Variants in CDH4 observed in about 807,000 individuals in gnomAD.
CDH4 encodes the protein cadherin 4.
CDH4 carries 33 observed loss-of-function variants against 86.0 expected under a neutral mutation model. The ratio of observed to expected loss-of-function variants is 0.38; its 90% CI spans 0.29 to 0.51. The LOEUF (loss-of-function observed/expected upper bound fraction) is 0.51, where lower values mean the gene tolerates loss of function less well. Ranked by LOEUF, CDH4 falls within the 20% of genes least tolerant of loss-of-function variation. The probability of loss-of-function intolerance (pLI) is 0.86; values close to 1 mark genes in which losing one functional copy is unlikely to be tolerated. For missense variants in CDH4, 1,114 were observed against 1,307.4 expected, an observed-to-expected ratio of 0.85 and a Z score of 2.28; for synonymous variants, 555 against 549.4, an observed-to-expected ratio of 1.01 and a Z score of -0.14.
intron 2 of CDH4, among the ~76,000 whole-genome samples, chr20:61,520,695 A>G (rs1600726650): frequency 6.6e-6 from 1 of 151,730 alleles, no homozygotes; most frequent in East Asian, 1.9e-4. Context: ...TCTTCTGAGC[A>G]TCGGGAGGGA....
chr20:61,649,858 A>G (rs2087103539), intron 2 of CDH4, among the ~76,000 whole-genome samples: 2 of 152,220 alleles, frequency 1.3e-5, no homozygotes, highest in African/African-American at 4.8e-5. Context: ...AGGAAGACTG[A>G]GGCAGGACCT....
chr20:61,319,351 T>G (rs770046868), intron 2 of CDH4, among the ~76,000 whole-genome samples: 1 of 152,102 alleles, frequency 6.6e-6, no homozygotes, highest in Non-Finnish European at 1.5e-5. Flanking sequence ...CGATTAAAAA[T>G]TCCCTGTTAT....
chr20:61,738,163 C>T (rs1451078288), intron 2 of CDH4: 2 of 152,278 alleles, frequency 1.3e-5, no homozygotes, highest in African/African-American at 4.8e-5. Context: ...TCTGCAGCAA[C>T]CACCGCCAGG....
chr20:61,421,715 C>T (rs1467466047), intron 2 of CDH4, among the ~76,000 whole-genome samples: 3 of 152,228 alleles, frequency 2.0e-5, no homozygotes, highest in Non-Finnish European at 4.4e-5. Context: ...GTCTTCTCCC[C>T]CTGCCGGGGT....
At chr20:61,394,476 T>C (rs6089247) in intron 2 of CDH4, among the ~76,000 whole-genome samples, 41,844 of 152,030 alleles carry the variant, frequency 0.28, 6,688 homozygotes, top group East Asian at 0.48. Flanking sequence ...GTTTCCACTT[T>C]GATAGAGACA....
At chr20:61,456,589 ACT>A (rs947479163) in intron 2 of CDH4, among the ~76,000 whole-genome samples, 4 of 152,072 alleles carry the variant, frequency 2.6e-5, no homozygotes, top group South Asian at 2.1e-4. Context: ...GGGTCGGGAA[ACT>A]CTGCTGAAGG....
Position 61,902,991 on chromosome 20 carries a change from C to A in CDH4, c.1189-7431C>A, listed in dbSNP as rs189509124. 4.8e-4 allele frequency among the ~76,000 whole-genome samples: 67 copies of A among 140,766 alleles called. 1 individual carries two copies. The highest frequency in any genetic ancestry group is 1.7e-3 in the African/African-American group (60 of 36,116). 92.3% of individuals were successfully genotyped at this position (140,766 alleles called of 152,430 possible). On this transcript the variant is annotated intron_variant, in intron 8 of 15. Transcript: ENST00000614565. The surrounding 1 kb of genome is among the most constrained non-coding windows in gnomAD (Gnocchi z 4.6). ...GTGTGATCATGCCACTAAACTCCAGCCTGGGCAACAGAGCAAGACTGTCTC... is the reference window on the plus strand; with the variant it reads ...GTGTGATCATGCCACTAAACTCCAGACTGGGCAACAGAGCAAGACTGTCTC...
intron 3 of CDH4, among the ~76,000 whole-genome samples, chr20:61,749,751 T>C (rs965253589): frequency 1.3e-5 from 2 of 152,176 alleles, no homozygotes; most frequent in Admixed American, 6.5e-5. Flanking sequence ...TAAATGCATA[T>C]ATTACAAGAT....
chr20:61,839,275 C>G (rs149799253), intron 4 of CDH4, among the ~76,000 whole-genome samples: 2 of 152,116 alleles, frequency 1.3e-5, no homozygotes, highest in East Asian at 3.9e-4. Context: ...GATATCCCGC[C>G]GGGTGTGCAT....
At chr20:61,454,509 G>C (rs1445049412) in intron 2 of CDH4, among the ~76,000 whole-genome samples, 2 of 152,044 alleles carry the variant, frequency 1.3e-5, no homozygotes, top group South Asian at 2.1e-4. Context: ...GCAGTGGCGC[G>C]ATCTCGGCTC....
intron 2 of CDH4, among the ~76,000 whole-genome samples, chr20:61,350,582 G>A (rs1026826936): frequency 1.3e-5 from 2 of 149,168 alleles, no homozygotes; most frequent in African/African-American, 5.0e-5. Context: ...CCACAGTGCT[G>A]CAGAGGCCAG....
intron 9 of CDH4, among the ~76,000 whole-genome samples, chr20:61,919,467 G>A (rs2054942191): frequency 6.6e-6 from 1 of 152,232 alleles, no homozygotes; most frequent in Non-Finnish European, 1.5e-5. Flanking sequence ...AAGCTCCAAA[G>A]CCACAAACTG....
intron 2 of CDH4, among the ~76,000 whole-genome samples, chr20:61,591,478 T>C (rs73138645): frequency 0.018 from 2,722 of 152,232 alleles, 37 homozygotes; most frequent in Middle Eastern, 0.058. Flanking sequence ...CACTCTGTTG[T>C]GATGCATTGT....
At chr20:61,696,703 A>T (rs2087718554) in intron 2 of CDH4, among the ~76,000 whole-genome samples, 1 of 152,164 alleles carries the variant, frequency 6.6e-6, no homozygotes, top group Non-Finnish European at 1.5e-5. Flanking sequence ...AGAACATACT[A>T]CCAGGGAGGT....
intron 2 of CDH4, among the ~76,000 whole-genome samples, chr20:61,633,195 AT>A (rs1228047448): frequency 1.4e-5 from 2 of 143,760 alleles, no homozygotes; most frequent in East Asian, 4.3e-4. Context: ...TCCTCCATCC[AT>A]TCATCCATCC....
chr20:61,329,142 A>T (rs2084554146), intron 2 of CDH4, among the ~76,000 whole-genome samples: 1 of 152,368 alleles, frequency 6.6e-6, no homozygotes, highest in Admixed American at 6.5e-5. Flanking sequence ...GATGGTTTGT[A>T]CTGAACGTGT....
rs140911292 is a variant in CDH4, at chr20:61,561,348, G to A, written c.170-182215G>A. 2.3e-3 allele frequency among the ~76,000 whole-genome samples: 356 copies of A among 152,310 alleles called. 1 individual carries two copies. Among genetic ancestry groups the A allele is most frequent in the Middle Eastern group, 3.4e-3 (1 of 294 alleles). On this transcript the variant is annotated intron_variant, in intron 2 of 15. Coordinates refer to ENST00000614565, the MANE Select transcript of CDH4 (RefSeq NM_001794.5). ...CACAGCCTTAAGGGGAAGCACAGGC[G>A]TCATCCCCGTTTTGCAGATGAAATG...
chr20:61,884,021 G>A (rs554298369), intron 7 of CDH4, among the ~76,000 whole-genome samples: 79 of 152,310 alleles, frequency 5.2e-4, no homozygotes, highest in East Asian at 1.4e-3. Context: ...ACAGCAGGCC[G>A]AGGGAGGAAT....
At chr20:61,335,989 C>T (rs752217615) in intron 2 of CDH4, among the ~76,000 whole-genome samples, 17 of 152,164 alleles carry the variant, frequency 1.1e-4, no homozygotes, top group African/African-American at 3.9e-4. Flanking sequence ...ATCATGATCA[C>T]CTCTTAAACA....
Sources: gnomAD v4.1 joint callset for allele counts (sites outside exome capture counted in the v4.1 genomes callset) on GRCh38, gnomAD v4.1.1 for gene constraint, Gnocchi (gnomAD v3.1) non-coding constraint, MANE v1.5 for transcripts, NCBI Gene and HGNC (gene_info 2026-07-23, HGNC 2026-07-21) for gene names.